The following TUBGCP3 variants were observed in gnomAD, a reference collection of about 807,000 sequenced individuals.
TUBGCP3 encodes tubulin gamma complex component 3, also known as gamma-tubulin complex component 3.
A neutral mutation model predicts 123.1 loss-of-function variants in TUBGCP3; 50 were observed. The ratio of observed to expected loss-of-function variants is 0.41; its 90% CI spans 0.32 to 0.51. The LOEUF is 0.51. Ranked by LOEUF, TUBGCP3 falls within the 20% of genes least tolerant of loss-of-function variation. The pLI, the probability that TUBGCP3 is intolerant of heterozygous loss-of-function variation, is 0.36. For missense variants in TUBGCP3, 882 were observed against 1,127.0 expected (o/e 0.78, Z 3.11); for synonymous variants, 405 against 413.9 (o/e 0.98, Z 0.26).
intron 1 of TUBGCP3, among the ~76,000 whole-genome samples, chr13:112,575,653 T>C (rs1881750902): frequency 6.6e-6 from 1 of 152,214 alleles, no homozygotes; most frequent in Non-Finnish European, 1.5e-5. Flanking sequence ...CACACGCTCT[T>C]TTCAAATGCA....
Position 112,498,871 on chromosome 13 carries a change from C to T in TUBGCP3, c.2448+174G>A, listed in dbSNP as rs777593929. On this transcript the variant is annotated intron_variant, in intron 20 of 21. Transcript: ENST00000261965. ...AGGATGATGATGCCAGTGAGGGTGG[C>T]CCCTCCCTCTTTACAACTGTCAGTG... 2.5e-6 allele frequency: 4 copies of T among 1,610,596 alleles called. No individual in the cohort carries two copies. In the South Asian group the frequency reaches 4.4e-5, roughly 18 times the overall value.
chr13:112,527,279 C>A, intron 12 of TUBGCP3, 95 bp downstream of exon 12: 2 of 948,420 alleles, frequency 2.1e-6, no homozygotes, highest in Non-Finnish European at 3.2e-6. Context: ...AATCTCAAAA[C>A]GCATGAAATT....
chr13:112,597,487 G>A, the TUBGCP3 span, among the ~76,000 whole-genome samples: 1 of 152,202 alleles, frequency 6.6e-6, no homozygotes, highest in African/African-American at 2.4e-5. Context: ...GACAACGAGT[G>A]TTTTGGAAAA....
At chr13:112,498,957 G>C (rs2274573) in intron 20 of TUBGCP3, 88 bp downstream of exon 20, 2 of 1,614,096 alleles carry the variant, frequency 1.2e-6, no homozygotes, top group South Asian at 2.2e-5. Context: ...ATTTTGGCAA[G>C]AAAGTTATTT....
chr13:112,590,690 C>A (rs1882868238), upstream of TUBGCP3, among the ~76,000 whole-genome samples: 1 of 152,196 alleles, frequency 6.6e-6, no homozygotes, highest in Admixed American at 6.5e-5. Flanking sequence ...CATTTCACTG[C>A]ACAAATAATC....
upstream of TUBGCP3, among the ~76,000 whole-genome samples, chr13:112,590,508 T>C (rs1282537639): frequency 1.3e-5 from 2 of 152,058 alleles, no homozygotes; most frequent in African/African-American, 4.8e-5. Flanking sequence ...TTTTTTCAGC[T>C]ACCACCATCA....
At chr13:112,498,660 G>T in intron 20 of TUBGCP3, 4 of 1,052,230 alleles carry the variant, frequency 3.8e-6, no homozygotes, top group Non-Finnish European at 5.3e-6. Flanking sequence ...AGCACCTGTA[G>T]ATGCACACGT....
Position 112,524,337 on chromosome 13 carries a change from G to A in TUBGCP3, c.1556-1828C>T, listed in dbSNP as rs1165964495. On this transcript the variant is annotated intron_variant, in intron 13 of 21. Transcript: ENST00000261965. This position sits in a 1 kb window ranked among gnomAD's most constrained non-coding sequence, Gnocchi z 4.4. ...CTCAGTTGATTGAATCTGCAGATGT[G>A]GGGCGGTGGGTACAGGGGCCGCCAG... Among the ~76,000 whole-genome samples the A allele has an allele frequency of 1.3e-5, 2 of 152,000 alleles. No individual in the cohort carries two copies. The highest frequency in any genetic ancestry group is 2.9e-5 in the Non-Finnish European group (2 of 68,014).
At chr13:112,584,181 A>C (rs965193029) in intron 1 of TUBGCP3, 2 of 152,122 alleles carry the variant, frequency 1.3e-5, no homozygotes, top group Non-Finnish European at 2.9e-5. Context: ...CAAAAACATT[A>C]CTCTAGATGC....
intron 19 of TUBGCP3, among the ~76,000 whole-genome samples, chr13:112,499,728 CA>C (rs1481396757): frequency 6.6e-6 from 1 of 151,984 alleles, no homozygotes; most frequent in East Asian, 1.9e-4. Context: ...GATACCTTAA[CA>C]TGAGGAAAAA....
At chr13:112,489,735 G>A (rs754654753) in intron 20 of TUBGCP3, 38 bp from the exon 21 acceptor site, 15 of 1,546,320 alleles carry the variant, frequency 9.7e-6, no homozygotes, top group South Asian at 3.3e-5. Flanking sequence ...GTAAAATCAC[G>A]ATGGAAAACA....
At chr13:112,506,300 G>A (rs531672255) in intron 17 of TUBGCP3, among the ~76,000 whole-genome samples, 10 of 152,294 alleles carry the variant, frequency 6.6e-5, no homozygotes, top group East Asian at 1.9e-4. Context: ...CCAGCGACTC[G>A]CAAGGGAGCA....
At chr13:112,488,452 T>C (rs1370807603) in intron 21 of TUBGCP3, among the ~76,000 whole-genome samples, 1 of 152,220 alleles carries the variant, frequency 6.6e-6, no homozygotes, top group Non-Finnish European at 1.5e-5. Context: ...TTCCGGGGTC[T>C]ACACCATGTC....
Position 112,508,833 on chromosome 13 carries a change from T to C in TUBGCP3, c.2087-4119A>G, listed in dbSNP as rs1410229781. ...CTGAGACTCCAACCACCTCCTGGCC[T>C]CCGTACACGCATCACCTGGTCCTGC... On this transcript the variant is annotated intron_variant, in intron 17 of 21. Transcript: ENST00000261965. This position sits in a 1 kb window ranked among gnomAD's most constrained non-coding sequence, Gnocchi z 4.2. 6.6e-6 allele frequency among the ~76,000 whole-genome samples: 1 copy of C among 151,946 alleles called. No individual in the cohort carries two copies. The highest frequency in any genetic ancestry group is 6.6e-5 in the Admixed American group (1 of 15,258).
chr13:112,548,392 C>G (rs1171002713), intron 8 of TUBGCP3, among the ~76,000 whole-genome samples: 1 of 152,142 alleles, frequency 6.6e-6, no homozygotes, highest in East Asian at 1.9e-4. Flanking sequence ...AAAGCATGAA[C>G]TTTGCAGAAG....
chr13:112,586,360 A>C (rs1399475299), intron 1 of TUBGCP3, among the ~76,000 whole-genome samples: 2 of 152,196 alleles, frequency 1.3e-5, no homozygotes, highest in Non-Finnish European at 2.9e-5. Flanking sequence ...AGAAAAAAAA[A>C]CTCTGGAACC....
At chr13:112,568,657 C>G (rs937365550) in intron 2 of TUBGCP3, among the ~76,000 whole-genome samples, 1 of 152,240 alleles carries the variant, frequency 6.6e-6, no homozygotes, top group African/African-American at 2.4e-5. Context: ...AATGCACTGA[C>G]CTTCGCGCAG....
intron 17 of TUBGCP3, 53 bp downstream of exon 17, chr13:112,516,377 ACCCAGTGGGG>A: frequency 6.9e-7 from 1 of 1,454,266 alleles, no homozygotes; most frequent in Non-Finnish European, 9.1e-7. Flanking sequence ...TGGAAACCGC[ACCCAGTGGGG>A]GCTGGAGGCC....
chr13:112,559,294 A>G, intron 4 of TUBGCP3, 28 bp downstream of exon 4: 1 of 1,596,234 alleles, frequency 6.3e-7, no homozygotes. Context: ...CCCGACGGAC[A>G]CGACGCTGCA....
Sources: allele counts gnomAD v4.1 joint callset (sites outside exome capture counted in the v4.1 genomes callset), GRCh38; gene constraint gnomAD v4.1.1; non-coding constraint Gnocchi (gnomAD v3.1); transcripts MANE v1.5; gene names NCBI Gene and HGNC (gene_info 2026-07-23, HGNC 2026-07-21).